SCFD2: variants seen among roughly 807,000 people sequenced by gnomAD.
The protein encoded by SCFD2 is sec1 family domain containing 2.
A neutral mutation model predicts 58.9 loss-of-function variants in SCFD2; 54 were observed. The ratio of observed to expected loss-of-function variants is 0.92; its 90% CI spans 0.74 to 1.15. The LOEUF (loss-of-function observed/expected upper bound fraction) is 1.15. SCFD2 is among the 50% of genes most tolerant of loss of function. The pLI is 0.00. For synonymous variants in SCFD2, 321 were observed against 335.9 expected (o/e 0.96, Z 0.49); for missense variants, 805 against 836.6 (o/e 0.96, Z 0.47).
chr4:53,018,846 C>T (rs1722277778), intron 5 of SCFD2, among the ~76,000 whole-genome samples: 1 of 152,162 alleles, frequency 6.6e-6, no homozygotes, highest in Admixed American at 6.5e-5. Context: ...CACCTTTAGA[C>T]TAAGGATAGC....
chr4:52,946,552 T>TA (rs926622418), intron 5 of SCFD2, among the ~76,000 whole-genome samples: 11 of 152,120 alleles, frequency 7.2e-5, no homozygotes, highest in African/African-American at 2.4e-4. Flanking sequence ...TAATTAGGAA[T>TA]AAAAATGACT....
chr4:53,201,481 A>T (rs1215070730), intron 4 of SCFD2, among the ~76,000 whole-genome samples: 13 of 152,180 alleles, frequency 8.5e-5, no homozygotes, highest in Admixed American at 7.9e-4. Flanking sequence ...GCCTCAATAA[A>T]CATACATGTG....
intron 5 of SCFD2, among the ~76,000 whole-genome samples, chr4:52,994,773 C>T (rs919468502): frequency 6.6e-6 from 1 of 152,156 alleles, no homozygotes; most frequent in African/African-American, 2.4e-5. Flanking sequence ...AAAACATTCC[C>T]TCATTAACAA....
chr4:53,354,471 C>T (rs531167094), intron 1 of SCFD2, among the ~76,000 whole-genome samples: 6 of 152,326 alleles, frequency 3.9e-5, no homozygotes, highest in East Asian at 1.9e-4. Flanking sequence ...CCACATCTCC[C>T]GGCAAGCCAA....
chr4:52,955,503 GCTGTGCC>G (rs1168221237), intron 5 of SCFD2, among the ~76,000 whole-genome samples: 3 of 152,168 alleles, frequency 2.0e-5, no homozygotes, highest in Admixed American at 2.0e-4. Context: ...TAAAATAGGT[GCTGTGCC>G]TAGCGTCAGT....
At chr4:53,037,426 T>A (rs1049366047) in intron 5 of SCFD2, among the ~76,000 whole-genome samples, 15 of 152,154 alleles carry the variant, frequency 9.9e-5, no homozygotes, top group Admixed American at 2.6e-4. Flanking sequence ...TTAAACAGAT[T>A]TTTTTCATAA....
chr4:52,893,883 T>C (rs1718939269), intron 7 of SCFD2, among the ~76,000 whole-genome samples: 1 of 152,244 alleles, frequency 6.6e-6, no homozygotes, highest in African/African-American at 2.4e-5. Context: ...CAATCCTTAC[T>C]GAGGCCTCTC....
intron 1 of SCFD2, among the ~76,000 whole-genome samples, chr4:53,363,414 G>A (rs906614591): frequency 1.3e-5 from 2 of 152,010 alleles, no homozygotes; most frequent in Non-Finnish European, 2.9e-5. Flanking sequence ...CTCCCAAAGT[G>A]ATGGGATTAC....
chr4:53,154,819 T>C (rs1726616669), intron 4 of SCFD2, among the ~76,000 whole-genome samples: 2 of 148,840 alleles, frequency 1.3e-5, no homozygotes, highest in South Asian at 4.2e-4. Context: ...TAGAGGACTT[T>C]TCCTGGCTGT....
intron 5 of SCFD2, among the ~76,000 whole-genome samples, chr4:53,054,493 A>C (rs1723268474): frequency 6.6e-6 from 1 of 152,162 alleles, no homozygotes; most frequent in Non-Finnish European, 1.5e-5. Flanking sequence ...GAATTGAAAA[A>C]TATGCAGTAA....
At chr4:52,878,687 AT>A (rs1560467749) in intron 8 of SCFD2, among the ~76,000 whole-genome samples, 1 of 152,218 alleles carries the variant, frequency 6.6e-6, no homozygotes, top group African/African-American at 2.4e-5. Flanking sequence ...ATGACATTTA[AT>A]TTTTAAAAAA....
At chr4:53,013,368 C>T (rs1722140519) in intron 5 of SCFD2, among the ~76,000 whole-genome samples, 1 of 152,174 alleles carries the variant, frequency 6.6e-6, no homozygotes, top group Non-Finnish European at 1.5e-5. Context: ...AATGGAAGAA[C>T]TTAAATAATT....
intron 2 of SCFD2, among the ~76,000 whole-genome samples, chr4:53,333,824 T>C (rs1733582265): frequency 7.3e-6 from 1 of 136,086 alleles, no homozygotes; most frequent in Non-Finnish European, 1.6e-5. Flanking sequence ...ACCTACAAAA[T>C]GGGAGAAAAT....
At chr4:53,204,716 T>C (rs972147229) in intron 4 of SCFD2, among the ~76,000 whole-genome samples, 2 of 143,858 alleles carry the variant, frequency 1.4e-5, no homozygotes, top group Non-Finnish European at 3.0e-5. Flanking sequence ...CCCAGCATAC[T>C]AGATGAAAAC....
At chr4:53,225,377 T>C (rs529398535) in intron 4 of SCFD2, among the ~76,000 whole-genome samples, 1 of 152,328 alleles carries the variant, frequency 6.6e-6, no homozygotes, top group East Asian at 1.9e-4. Flanking sequence ...TTCATATGCT[T>C]ATTAGCCACT....
At chr4:53,214,785 G>A (rs1026996662) in intron 4 of SCFD2, among the ~76,000 whole-genome samples, 12 of 152,162 alleles carry the variant, frequency 7.9e-5, no homozygotes, top group Admixed American at 3.3e-4. Context: ...TATGGTTTTA[G>A]GTCTAACATG....
At chr4:53,196,777 C>CAA (rs200275749) in intron 4 of SCFD2, among the ~76,000 whole-genome samples, 18 of 141,982 alleles carry the variant, frequency 1.3e-4, no homozygotes, top group South Asian at 4.5e-4. Context: ...AACTTTTCAT[C>CAA]AAAAAAAAAA....
intron 1 of SCFD2, among the ~76,000 whole-genome samples, chr4:53,358,485 G>A (rs1279073809): frequency 6.6e-6 from 1 of 151,494 alleles, no homozygotes; most frequent in Admixed American, 6.6e-5. Flanking sequence ...CCTGGAAGGT[G>A]AAGGTTGCAG....
intron 4 of SCFD2, among the ~76,000 whole-genome samples, chr4:53,229,814 T>C (rs1373103555): frequency 2.0e-5 from 3 of 152,128 alleles, no homozygotes; most frequent in African/African-American, 7.2e-5. Context: ...CAAAAGAAAC[T>C]ACCATCAGAG....
Sources: gnomAD v4.1 joint callset for allele counts (sites outside exome capture counted in the v4.1 genomes callset) on GRCh38, gnomAD v4.1.1 for gene constraint, MANE v1.5 for transcripts, NCBI Gene and HGNC (gene_info 2026-07-23, HGNC 2026-07-21) for gene names.